KIAA1958: variants seen among roughly 807,000 people sequenced by gnomAD.
KIAA1958 encodes KIAA1958, also known as uncharacterized protein KIAA1958.
A neutral mutation model predicts 47.2 loss-of-function variants in KIAA1958; 14 were observed. That is an observed-to-expected ratio of 0.30 (90% CI 0.20 to 0.46). The LOEUF (loss-of-function observed/expected upper bound fraction) is 0.46, where lower values mean the gene tolerates loss of function less well. Among genes scored for constraint, KIAA1958 ranks in the 20% least tolerant of loss-of-function variants. The probability of loss-of-function intolerance (pLI) is 1.00; values close to 1 mark genes in which losing one functional copy is unlikely to be tolerated. For missense variants in KIAA1958, 803 were observed against 909.2 expected (o/e 0.88, Z 1.50); for synonymous variants, 354 against 353.3 (o/e 1.00, Z -0.02).
intron 3 of KIAA1958, among the ~76,000 whole-genome samples, chr9:112,654,233 C>T (rs1449105970): frequency 6.6e-6 from 1 of 152,148 alleles, no homozygotes; most frequent in African/African-American, 2.4e-5. Context: ...GTTGAAAGCA[C>T]TAACATAAAA....
At chr9:112,605,525 A>G (rs1348365128) in intron 2 of KIAA1958, among the ~76,000 whole-genome samples, 3 of 152,204 alleles carry the variant, frequency 2.0e-5, no homozygotes, top group African/African-American at 7.2e-5. Flanking sequence ...TTTTCTTAAT[A>G]TGGGAGAAAA....
intron 1 of KIAA1958, among the ~76,000 whole-genome samples, chr9:112,490,348 GTTTC>G (rs1833947539): frequency 6.6e-6 from 1 of 152,134 alleles, no homozygotes; most frequent in Non-Finnish European, 1.5e-5. Context: ...AGCCCCACAG[GTTTC>G]TTTTTTTCCT....
intron 2 of KIAA1958, among the ~76,000 whole-genome samples, chr9:112,604,401 C>T (rs1836188883): frequency 6.6e-6 from 1 of 152,196 alleles, no homozygotes; most frequent in South Asian, 2.1e-4. Context: ...ACTGAAGGCT[C>T]ATTTTCACTG....
intron 2 of KIAA1958, among the ~76,000 whole-genome samples, chr9:112,580,857 G>T (rs929499448): frequency 2.6e-5 from 4 of 151,666 alleles, no homozygotes; most frequent in Non-Finnish European, 4.4e-5. Flanking sequence ...ACCTTTTCCT[G>T]TAGTTTCCTG....
intron 1 of KIAA1958, among the ~76,000 whole-genome samples, chr9:112,567,242 A>G (rs1237072031): frequency 6.6e-6 from 1 of 152,220 alleles, no homozygotes; most frequent in Non-Finnish European, 1.5e-5. Context: ...AACAAACAAA[A>G]ATAAGAAAAA....
In KIAA1958 at chr9:112,664,803, G is replaced by A. The variant is rs1023367993; in HGVS notation, c.*4734G>A. ...TTCTAAGAGAAGAGGAGGCCATGGGGTATGATAACTAAATGAACATCTCTG... is the reference window on the plus strand; with the variant it reads ...TTCTAAGAGAAGAGGAGGCCATGGGATATGATAACTAAATGAACATCTCTG... On this transcript the variant is annotated 3_prime_UTR_variant, in exon 4 of 4. Coordinates refer to ENST00000337530, the MANE Select transcript of KIAA1958 (RefSeq NM_133465.4). 5.3e-5 allele frequency: 8 copies of A among 152,270 alleles called. No individual in the cohort carries two copies. The highest frequency in any genetic ancestry group is 1.9e-4 in the African/African-American group (8 of 41,546). The allele number at this position is 152,270 out of a possible 1,614,324, so 9.4% of individuals were successfully genotyped here. A position where few individuals can be genotyped will look rare whatever the true frequency, so the allele number is the denominator to read the frequency against.
chr9:112,650,524 T>C (rs973322995), intron 3 of KIAA1958, among the ~76,000 whole-genome samples: 3 of 151,778 alleles, frequency 2.0e-5, no homozygotes, highest in African/African-American at 7.3e-5. Context: ...AAGATAGATA[T>C]TGCAAATCTT....
intron 1 of KIAA1958, among the ~76,000 whole-genome samples, chr9:112,550,552 C>T (rs1835123268): frequency 4.6e-5 from 7 of 152,190 alleles, no homozygotes; most frequent in Admixed American, 4.6e-4. Flanking sequence ...TTTATGCTCA[C>T]AGTTATTGTT....
intron 2 of KIAA1958, among the ~76,000 whole-genome samples, chr9:112,634,665 A>G (rs942286059): frequency 2.6e-5 from 4 of 152,214 alleles, no homozygotes; most frequent in East Asian, 1.9e-4. Context: ...GTCCTTCTAA[A>G]TGATTTTTCA....
intron 2 of KIAA1958, among the ~76,000 whole-genome samples, chr9:112,577,069 G>A (rs578061646): frequency 2.3e-4 from 35 of 152,170 alleles, no homozygotes; most frequent in African/African-American, 8.4e-4. Context: ...GTATCTTATT[G>A]GGGTTTTGAT....
chr9:112,600,953 A>G (rs917071949), intron 2 of KIAA1958, among the ~76,000 whole-genome samples: 8 of 152,230 alleles, frequency 5.3e-5, no homozygotes, highest in Non-Finnish European at 1.0e-4. Flanking sequence ...TTACAATTGA[A>G]GAAACCAAGG....
chr9:112,556,031 C>T (rs1285640161), intron 1 of KIAA1958, among the ~76,000 whole-genome samples: 1 of 152,060 alleles, frequency 6.6e-6, no homozygotes, highest in African/African-American at 2.4e-5. Context: ...GAGCCAAGAT[C>T]GCACCATTGC....
chr9:112,629,720 G>A (rs1378150811), intron 2 of KIAA1958, among the ~76,000 whole-genome samples: 1 of 152,156 alleles, frequency 6.6e-6, no homozygotes, highest in African/African-American at 2.4e-5. Context: ...TCCATTGTGT[G>A]TATAATGTTT....
chr9:112,564,007 T>C (rs1343087837), intron 1 of KIAA1958, among the ~76,000 whole-genome samples: 1 of 152,212 alleles, frequency 6.6e-6, no homozygotes, highest in Admixed American at 6.5e-5. Context: ...TCCTGTAGAC[T>C]GCTACTATGT....
rs35931681 is a variant in KIAA1958, at chr9:112,567,959, C to CAAA, written c.-24-6075_-24-6073dup. Among the ~76,000 whole-genome samples the CAAA allele has an allele frequency of 3.6e-3, 240 of 66,142 alleles. 3 individuals carry two copies. The highest frequency in any genetic ancestry group is 0.013 in the African/African-American group (204 of 15,696). The allele number at this position is 66,142 out of a possible 152,430, so 43.4% of individuals were successfully genotyped here. A position where few individuals can be genotyped will look rare whatever the true frequency, so the allele number is the denominator to read the frequency against. ...TGGGCGACAGAGCGAGAATCCATCT[C>CAAA]AAAAAAAAAAAAAAAAAAAAAAAAA... is the stretch of plus-strand genomic sequence containing the variant. On this transcript the variant is annotated intron_variant, in intron 1 of 3. Coordinates refer to ENST00000337530, the MANE Select transcript of KIAA1958 (RefSeq NM_133465.4).
intron 2 of KIAA1958, among the ~76,000 whole-genome samples, chr9:112,622,171 A>C (rs1182963314): frequency 1.3e-5 from 2 of 152,250 alleles, no homozygotes; most frequent in Non-Finnish European, 2.9e-5. Flanking sequence ...TGGCAGAGGC[A>C]GATGTCAAAA....
At chr9:112,490,474 A>C (rs1289974984) in intron 1 of KIAA1958, among the ~76,000 whole-genome samples, 1 of 152,204 alleles carries the variant, frequency 6.6e-6, no homozygotes, top group African/African-American at 2.4e-5. Flanking sequence ...TTCTTTTGCT[A>C]GACTGAAATT....
chr9:112,550,209 G>C (rs1351230700), intron 1 of KIAA1958, among the ~76,000 whole-genome samples: 5 of 150,852 alleles, frequency 3.3e-5, no homozygotes, highest in Non-Finnish European at 7.4e-5. Context: ...TAAATCTGTT[G>C]ATAAGTAACT....
chr9:112,531,194 G>A (rs565034373), intron 1 of KIAA1958, among the ~76,000 whole-genome samples: 52 of 152,140 alleles, frequency 3.4e-4, no homozygotes, highest in Non-Finnish European at 7.3e-4. Context: ...TTCGAGACCA[G>A]CTTGACCAAC....
Sources: allele counts gnomAD v4.1 joint callset (sites outside exome capture counted in the v4.1 genomes callset), GRCh38; gene constraint gnomAD v4.1.1; transcripts MANE v1.5; gene names NCBI Gene and HGNC (gene_info 2026-07-23, HGNC 2026-07-21).